Variants in PLXNC1 observed in about 807,000 individuals in gnomAD.
PLXNC1 encodes plexin C1.
PLXNC1 carries 75 observed loss-of-function variants against 178.2 expected under a neutral mutation model. The observed-to-expected ratio is 0.42, with a 90% CI of 0.35 to 0.51. The LOEUF (loss-of-function observed/expected upper bound fraction) is 0.51. Ranked by LOEUF, PLXNC1 falls within the 20% of genes least tolerant of loss-of-function variation. The probability of loss-of-function intolerance (pLI) is 0.02; values close to 1 mark genes in which losing one functional copy is unlikely to be tolerated. For missense variants in PLXNC1, 1,503 were observed against 1,984.4 expected, an observed-to-expected ratio of 0.76 and a Z score of 4.61; for synonymous variants, 790 against 779.9, an observed-to-expected ratio of 1.01 and a Z score of -0.22.
intron 3 of PLXNC1, among the ~76,000 whole-genome samples, chr12:94,185,073 G>A (rs1237623145): frequency 4.6e-5 from 7 of 152,184 alleles, no homozygotes; most frequent in Admixed American, 3.9e-4. Flanking sequence ...TTACAGATGA[G>A]GAAACAAGGT....
Position 94,149,101 on chromosome 12 carries a change from C to T in PLXNC1, c.130C>T (p.Gln44Ter). ...GGACGAGCCCGTGTGGCGGTCGGAG[C>T]AAGCCATCGGAGCCATCGCGGCGAG... ...GADEPVWRSE[Q>*]AIGAIAASQE... is the part of the protein sequence containing the mutation. Residue 44 changes from glutamine to a stop codon, truncating the protein, a stop_gained, in exon 1 of 31, where the codon CAA becomes TAA. Transcript: ENST00000258526. LOFTEE classifies it high-confidence loss of function. The T allele has an allele frequency of 6.3e-7, 1 of 1,585,266 alleles. No individual in the cohort carries two copies. Among genetic ancestry groups the T allele is most frequent in the Admixed American group, 1.7e-5 (1 of 58,316 alleles).
rs1968966729 is a variant in PLXNC1 at position 94,306,022 on chromosome 12, C to CT, written c.*741dup. 6.6e-6 allele frequency: 1 copy of CT among 152,032 alleles called. No homozygotes were observed. The highest frequency in any genetic ancestry group is 2.4e-5 in the African/African-American group (1 of 41,386). The allele number at this position is 152,032 out of a possible 1,614,324, so 9.4% of individuals were successfully genotyped here. A position where few individuals can be genotyped will look rare whatever the true frequency, so the allele number is the denominator to read the frequency against. On this transcript the variant is annotated 3_prime_UTR_variant, in exon 31 of 31. Transcript: ENST00000258526. ...AGATACTTTGTCCTAATGTATGTTC[C>CT]TTTTCTTCATCTGTTTTTTCATACT...
chr12:94,280,784 G>C (rs73230121), intron 22 of PLXNC1, among the ~76,000 whole-genome samples: 8,697 of 152,330 alleles, frequency 0.057, 296 homozygotes, highest in East Asian at 0.072. Flanking sequence ...CCGCCCGACA[G>C]TCTTGGTCCT....
chr12:94,177,278 G>T (rs2135954062), intron 2 of PLXNC1, among the ~76,000 whole-genome samples: 1 of 143,548 alleles, frequency 7.0e-6, no homozygotes, highest in East Asian at 2.0e-4. Flanking sequence ...GGGCTGCAGG[G>T]TCCAAGGGTA....
In PLXNC1 at chr12:94,306,300, T is replaced by C. The variant is rs769581490; in HGVS notation, c.*1015T>C. 2.6e-5 allele frequency: 4 copies of C among 152,108 alleles called. No homozygotes were observed. The highest frequency in any genetic ancestry group is 2.1e-4 in the South Asian group (1 of 4,834). 9.4% of individuals were successfully genotyped at this position (152,108 alleles called of 1,614,324 possible). ...GGAGTATTATATATAAATATATATA[T>C]TTGAGGCCCAAGGCCTGAAAAATAT... On this transcript the variant is annotated 3_prime_UTR_variant, in exon 31 of 31. Coordinates refer to ENST00000258526, the MANE Select transcript of PLXNC1 (RefSeq NM_005761.3).
intron 2 of PLXNC1, 56 bp downstream of exon 2, chr12:94,169,349 TA>T: frequency 2.8e-6 from 4 of 1,452,796 alleles, no homozygotes; most frequent in African/African-American, 1.8e-5. Flanking sequence ...TTTTGTACTT[TA>T]AAAAAACATT....
At chr12:94,166,955 G>C (rs1961637392) in intron 1 of PLXNC1, among the ~76,000 whole-genome samples, 1 of 151,960 alleles carries the variant, frequency 6.6e-6, no homozygotes, top group Admixed American at 6.6e-5. Flanking sequence ...GTAGAGATGG[G>C]GGTCTTGCTA....
chr12:94,228,431 A>G (rs7967508), intron 9 of PLXNC1, among the ~76,000 whole-genome samples: 50,094 of 152,112 alleles, frequency 0.33, 8,435 homozygotes, highest in East Asian at 0.42. Context: ...ATACACAAAC[A>G]AAATTTACCA....
At chr12:94,190,765 C>G (rs374302984) in intron 4 of PLXNC1, among the ~76,000 whole-genome samples, 27 of 152,344 alleles carry the variant, frequency 1.8e-4, no homozygotes, top group South Asian at 1.5e-3. Context: ...CCATTCTCTC[C>G]TTTGTTTACT....
At chr12:94,177,075 GTGTA>G (rs148627566) in intron 2 of PLXNC1, among the ~76,000 whole-genome samples, 2,027 of 130,610 alleles carry the variant, frequency 0.016, 57 homozygotes, top group African/African-American at 0.054. Flanking sequence ...GTGTGTGTGT[GTGTA>G]TATATATATG....
chr12:94,295,543 G>C (rs566056927), intron 24 of PLXNC1, among the ~76,000 whole-genome samples: 2 of 152,228 alleles, frequency 1.3e-5, no homozygotes, highest in East Asian at 3.9e-4. Flanking sequence ...AGTCAACACT[G>C]CTGCTAGTTT....
At chr12:94,175,161 G>GT (rs1471712957) in intron 2 of PLXNC1, among the ~76,000 whole-genome samples, 4 of 152,160 alleles carry the variant, frequency 2.6e-5, no homozygotes, top group African/African-American at 4.8e-5. Flanking sequence ...AGGCATGCAC[G>GT]TGCATATGTG....
intron 4 of PLXNC1, among the ~76,000 whole-genome samples, chr12:94,194,794 G>A (rs1962857493): frequency 6.6e-6 from 1 of 152,160 alleles, no homozygotes; most frequent in African/African-American, 2.4e-5. Flanking sequence ...GGTTTGCTGA[G>A]AGAATTAAAT....
At chr12:94,222,964 C>T (rs570081544) in intron 6 of PLXNC1, among the ~76,000 whole-genome samples, 2 of 152,344 alleles carry the variant, frequency 1.3e-5, no homozygotes, top group Admixed American at 1.3e-4. Context: ...ATGTGGAATT[C>T]TGACTTTCAG....
Position 94,260,789 on chromosome 12 carries a change from C to A in PLXNC1, c.3399C>A (p.Val1133=). The change falls in exon 20 of 31, where the codon GTC becomes GTA. Residue 1133 remains valine (V), a synonymous_variant. Coordinates refer to ENST00000258526, the MANE Select transcript of PLXNC1 (RefSeq NM_005761.3). This position sits in a 1 kb window ranked among gnomAD's most constrained non-coding sequence, Gnocchi z 4.4. ...TGCTGAGACGCACGGAGTCCGTCGT[C>A]GAAAAACTCCTCACAAACTGGATGT... ...KLMLRRTESV[V]EKLLTNWMSV... is the part of the protein sequence containing the mutation. 2 of 1,614,184 alleles carry A rather than the reference C, an allele frequency of 1.2e-6. No homozygotes were observed.
chr12:94,279,462 A>G lies in PLXNC1; in HGVS notation c.3598-10A>G. ...CTAATAGACTTGGAAACCTGTTTGT[A>G]CTCTTGCAGGCATTAAACGTCGTCT... On this transcript the variant is annotated splice_polypyrimidine_tract_variant and intron_variant, in intron 21 of 30. Coordinates refer to ENST00000258526, the MANE Select transcript of PLXNC1 (RefSeq NM_005761.3). 4 of 1,604,476 alleles carry G rather than the reference A, an allele frequency of 2.5e-6. No individual in the cohort carries two copies. The highest frequency in any genetic ancestry group is 1.1e-5 in the South Asian group (1 of 90,088).
intron 10 of PLXNC1, among the ~76,000 whole-genome samples, chr12:94,238,915 G>C (rs532461075): frequency 6.6e-6 from 1 of 152,208 alleles, no homozygotes; most frequent in South Asian, 2.1e-4. Flanking sequence ...ATGCAACATA[G>C]GTTTTTTTGT....
intron 21 of PLXNC1, chr12:94,277,952 C>G: frequency 2.2e-6 from 1 of 456,050 alleles, no homozygotes; most frequent in Non-Finnish European, 4.4e-6. Flanking sequence ...GTTTTCATCT[C>G]TCCCCTGAGC....
intron 9 of PLXNC1, 118 bp downstream of exon 9, chr12:94,227,353 C>A: frequency 1.7e-6 from 1 of 602,580 alleles, no homozygotes; most frequent in Non-Finnish European, 3.0e-6. Flanking sequence ...TACCAAAATT[C>A]CCTTTTGTGT....
Sources: allele counts gnomAD v4.1 joint callset (sites outside exome capture counted in the v4.1 genomes callset), GRCh38; gene constraint gnomAD v4.1.1; non-coding constraint Gnocchi (gnomAD v3.1); transcripts MANE v1.5; gene names NCBI Gene and HGNC (gene_info 2026-07-23, HGNC 2026-07-21).